Variants in APP observed in about 807,000 individuals in gnomAD.
The protein encoded by APP is amyloid beta precursor protein.
A neutral mutation model predicts 101.4 loss-of-function variants in APP; 31 were observed. The observed-to-expected ratio is 0.31, with a 90% CI of 0.23 to 0.41. APP has a LOEUF of 0.41. APP is among the 10% of genes least tolerant of loss of function. APP has a pLI of 1.00. For missense variants in APP, 839 were observed against 1,003.7 expected (o/e 0.84, Z 2.22); for synonymous variants, 366 against 364.4 (o/e 1.00, Z -0.05).
intron 1 of APP, among the ~76,000 whole-genome samples, chr21:26,128,868 G>A (rs2062735662): frequency 6.6e-6 from 1 of 152,152 alleles, no homozygotes; most frequent in African/African-American, 2.4e-5. Flanking sequence ...GATTTGAAAT[G>A]GATGATCAAG....
At chr21:25,967,121 T>C (rs1264191223) in intron 11 of APP, among the ~76,000 whole-genome samples, 1 of 152,192 alleles carries the variant, frequency 6.6e-6, no homozygotes, top group African/African-American at 2.4e-5. Context: ...TTTCCAGAGA[T>C]CTCAGCAAAA....
At chr21:25,928,757 T>TTG (rs2040010322) in intron 13 of APP, 1 of 151,522 alleles carries the variant, frequency 6.6e-6, no homozygotes, top group South Asian at 2.1e-4. Flanking sequence ...TGATGCCTTT[T>TTG]TTTTTTTTTT....
At chr21:26,038,697 G>A (rs1196325223) in intron 5 of APP, among the ~76,000 whole-genome samples, 1 of 152,144 alleles carries the variant, frequency 6.6e-6, no homozygotes, top group African/African-American at 2.4e-5. Context: ...TCAGGAGACG[G>A]AGGTTGCAGT....
intron 3 of APP, among the ~76,000 whole-genome samples, chr21:26,077,328 C>T (rs1390220532): frequency 6.6e-6 from 1 of 152,080 alleles, no homozygotes; most frequent in East Asian, 1.9e-4. Flanking sequence ...ATGAGCCCAC[C>T]CCTTTCCCTT....
rs1226719024 is a variant in APP at position 25,976,350 on chromosome 21, A to G, written c.1225-322T>C. Among the ~76,000 whole-genome samples the G allele has an allele frequency of 1.3e-5, 2 of 152,172 alleles. 1 individual carries two copies. Among genetic ancestry groups the G allele is most frequent in the Non-Finnish European group, 2.9e-5 (2 of 68,032 alleles). On this transcript the variant is annotated intron_variant, in intron 9 of 17. Coordinates refer to ENST00000346798, the MANE Select transcript of APP (RefSeq NM_000484.4). ...AATACCAACTATTCATGGAAGGCAC[A>G]CATTAACTGAACAAGGTCTTCCAAT...
chr21:26,049,655 T>C (rs917544780), intron 5 of APP, among the ~76,000 whole-genome samples: 3 of 152,198 alleles, frequency 2.0e-5, no homozygotes, highest in African/African-American at 4.8e-5. Context: ...TTCCTAGCTA[T>C]GGAGAATTGA....
rs1347801825 is a variant in APP at position 25,983,661 on chromosome 21, AT to A, written c.1091-1185del. 1.7e-4 allele frequency among the ~76,000 whole-genome samples: 26 copies of A among 152,300 alleles called. 1 individual carries two copies. Among genetic ancestry groups the A allele is most frequent in the African/African-American group, 5.8e-4 (24 of 41,562 alleles). On this transcript the variant is annotated intron_variant, in intron 8 of 17. Transcript: ENST00000346798. ...ATTTTAAAAAGAAACATTCGTTTTG[AT>A]TTTTTCCCTCCACTTCAATCCTGAT...
At chr21:26,161,557 G>A (rs1182657014) in intron 1 of APP, among the ~76,000 whole-genome samples, 1 of 152,028 alleles carries the variant, frequency 6.6e-6, no homozygotes, top group East Asian at 1.9e-4. Context: ...GTTTCTTTGT[G>A]TATGAAAATA....
intron 3 of APP, among the ~76,000 whole-genome samples, chr21:26,054,620 G>GTTTTTTTTTTTTTTTTTTTTTTTTTTTT: frequency 9.3e-6 from 1 of 107,994 alleles, no homozygotes; most frequent in Non-Finnish European, 1.9e-5. Flanking sequence ...TAGGCCAAAA[G>GTTTTTTTTTTTTTTTTTTTTTTTTTTTT]TTTTTTTTTT....
At chr21:26,106,413 A>C (rs546158805) in intron 2 of APP, among the ~76,000 whole-genome samples, 18 of 152,288 alleles carry the variant, frequency 1.2e-4, no homozygotes, top group East Asian at 3.9e-4. Flanking sequence ...CTGGCAAAAG[A>C]AACTGCCTAA....
At chr21:25,990,232 A>G (rs1202632687) in intron 8 of APP, among the ~76,000 whole-genome samples, 2 of 152,250 alleles carry the variant, frequency 1.3e-5, no homozygotes, top group African/African-American at 4.8e-5. Context: ...TAAAAATATA[A>G]TCTATGATGT....
intron 14 of APP, among the ~76,000 whole-genome samples, 198 bp from the exon 15 acceptor site, chr21:25,905,275 C>T (rs150759557): frequency 6.6e-6 from 1 of 152,164 alleles, no homozygotes; most frequent in Non-Finnish European, 1.5e-5. Flanking sequence ...AATGGCTTAT[C>T]GCTATTGATG....
chr21:25,918,797 CT>C (rs2039489907), intron 13 of APP, among the ~76,000 whole-genome samples: 2 of 150,478 alleles, frequency 1.3e-5, no homozygotes, highest in African/African-American at 4.9e-5. Context: ...GGCAGCGAGG[CT>C]GGGGGAGGGG....
chr21:25,946,187 C>T (rs1360248167), intron 13 of APP, among the ~76,000 whole-genome samples: 1 of 152,078 alleles, frequency 6.6e-6, no homozygotes, highest in African/African-American at 2.4e-5. Context: ...AGATACCATA[C>T]CATAGTAACT....
intron 13 of APP, among the ~76,000 whole-genome samples, chr21:25,914,709 A>C (rs867391782): frequency 6.6e-6 from 1 of 151,684 alleles, no homozygotes; most frequent in Non-Finnish European, 1.5e-5. Flanking sequence ...GCCCGCCACC[A>C]CGCCCGGCTA....
At chr21:26,096,510 T>C (rs1175123351) in intron 2 of APP, among the ~76,000 whole-genome samples, 1 of 152,204 alleles carries the variant, frequency 6.6e-6, no homozygotes, top group Non-Finnish European at 1.5e-5. Context: ...AAAACCAAAC[T>C]GTACGTAGCA....
chr21:26,112,766 C>T (rs1371716464), intron 1 of APP, among the ~76,000 whole-genome samples: 2 of 152,182 alleles, frequency 1.3e-5, no homozygotes, highest in African/African-American at 4.8e-5. Flanking sequence ...AGTCTCAACT[C>T]TTAACAAGTC....
chr21:25,946,413 C>G (rs2040822827), intron 13 of APP, among the ~76,000 whole-genome samples: 2 of 152,158 alleles, frequency 1.3e-5, no homozygotes, highest in Admixed American at 1.3e-4. Flanking sequence ...CGCCTGTAAT[C>G]CTAGCACTTT....
chr21:25,964,868 G>A (rs1304066470), intron 11 of APP, among the ~76,000 whole-genome samples: 2 of 152,180 alleles, frequency 1.3e-5, no homozygotes, highest in Non-Finnish European at 2.9e-5. Flanking sequence ...CCAAAGTGCT[G>A]GGATTACAGG....
Sources: allele counts gnomAD v4.1 joint callset (sites outside exome capture counted in the v4.1 genomes callset), GRCh38; gene constraint gnomAD v4.1.1; transcripts MANE v1.5; gene names NCBI Gene and HGNC (gene_info 2026-07-23, HGNC 2026-07-21).